The following SPATA31G1 variants were observed in gnomAD, a reference collection of about 807,000 sequenced individuals.
SPATA31G1 encodes SPATA31 subfamily G member 1, also known as spermatogenesis-associated protein 31G1.
chr9:35,042,886 C>G, the SPATA31G1 span: 8 of 1,613,930 alleles, frequency 5.0e-6, no homozygotes, highest in East Asian at 4.5e-5. Flanking sequence ...CACCGTGTGG[C>G]CTTCCTTGAT....
the SPATA31G1 span, chr9:35,044,279 G>A: frequency 6.2e-7 from 1 of 1,614,044 alleles, no homozygotes; most frequent in South Asian, 1.1e-5. Context: ...AGCATTCCAG[G>A]AATTCCTCGG....
the SPATA31G1 span, chr9:35,042,368 T>C: frequency 6.2e-7 from 1 of 1,614,192 alleles, no homozygotes; most frequent in Non-Finnish European, 8.5e-7. Context: ...GCTTCCAGAG[T>C]CCAGGAAATC....
the SPATA31G1 span, chr9:35,044,597 C>G: frequency 6.2e-7 from 1 of 1,614,172 alleles, no homozygotes; most frequent in Non-Finnish European, 8.5e-7. Flanking sequence ...CAAAGTCCCA[C>G]GTAAGTGAGC....
chr9:35,045,557 G>C, the SPATA31G1 span: 1 of 1,614,172 alleles, frequency 6.2e-7, no homozygotes, highest in Non-Finnish European at 8.5e-7. Context: ...ACCCTGCCCA[G>C]GCCAGAAGCC....
At chr9:35,045,762 T>A in the SPATA31G1 span, 2 of 1,614,178 alleles carry the variant, frequency 1.2e-6, no homozygotes, top group South Asian at 2.2e-5. Context: ...CATGGAGAAG[T>A]ATCTCTCCTT....
chr9:35,045,907 A>C, the SPATA31G1 span: 1 of 1,529,976 alleles, frequency 6.5e-7, no homozygotes. Context: ...GTATGCCAAG[A>C]CCTGAAGCCA....
chr9:35,045,847 T>C, the SPATA31G1 span: 11 of 1,609,446 alleles, frequency 6.8e-6, no homozygotes, highest in Admixed American at 3.3e-5. Context: ...CATCGACCCC[T>C]ACCCACCAAA....
At chr9:35,043,571 G>T in the SPATA31G1 span, 1 of 1,614,100 alleles carries the variant, frequency 6.2e-7, no homozygotes, top group South Asian at 1.1e-5. Context: ...CTAGCCCCCT[G>T]GAAGTTCTCC....
At chr9:35,045,457 A>G in the SPATA31G1 span, 2 of 1,614,126 alleles carry the variant, frequency 1.2e-6, no homozygotes, top group South Asian at 2.2e-5. Flanking sequence ...TCCTCAGCCA[A>G]AAAGAGAGAG....
chr9:35,044,422 G>A, the SPATA31G1 span: 36 of 1,614,068 alleles, frequency 2.2e-5, no homozygotes, highest in East Asian at 5.3e-4. Flanking sequence ...AAAAACTCCT[G>A]GGCCTCTAAG....
At chr9:35,045,106 C>G in the SPATA31G1 span, 6 of 1,614,070 alleles carry the variant, frequency 3.7e-6, no homozygotes, top group East Asian at 4.5e-5. Context: ...TGGGGACTCC[C>G]TTCCTGCCCA....
chr9:35,043,093 A>C, the SPATA31G1 span: 2 of 1,614,208 alleles, frequency 1.2e-6, no homozygotes, highest in Non-Finnish European at 1.7e-6. Flanking sequence ...ATACCAGAGC[A>C]AACAGTCATG....
the SPATA31G1 span, chr9:35,044,121 T>C: frequency 6.2e-7 from 1 of 1,614,112 alleles, no homozygotes; most frequent in Non-Finnish European, 8.5e-7. Context: ...CAAAGCTTTG[T>C]GGGAGACCAT....
At chr9:35,043,427 G>A in the SPATA31G1 span, 7 of 1,614,050 alleles carry the variant, frequency 4.3e-6, no homozygotes, top group Non-Finnish European at 5.9e-6. Context: ...TAGAAGGGAT[G>A]GCCCCCGATC....
At chr9:35,045,672 C>T in the SPATA31G1 span, 3 of 1,614,070 alleles carry the variant, frequency 1.9e-6, no homozygotes, top group South Asian at 2.2e-5. Context: ...AGCTTCGGGT[C>T]CCCAGGATCA....
chr9:35,044,707 C>T, the SPATA31G1 span: 7 of 1,614,204 alleles, frequency 4.3e-6, no homozygotes, highest in South Asian at 6.6e-5. Flanking sequence ...TCACTCTCTA[C>T]TCCTCTACCA....
At chr9:35,042,509 C>T in the SPATA31G1 span, 1 of 1,613,928 alleles carries the variant, frequency 6.2e-7, no homozygotes, top group Non-Finnish European at 8.5e-7. Context: ...GACTGTACAG[C>T]TGGATGAATG....
At chr9:35,043,802 C>G in the SPATA31G1 span, 1 of 1,614,126 alleles carries the variant, frequency 6.2e-7, no homozygotes, top group Non-Finnish European at 8.5e-7. Context: ...CTTGCCCTCC[C>G]CTAGACTCCC....
the SPATA31G1 span, chr9:35,045,755 G>C: frequency 3.1e-6 from 5 of 1,614,210 alleles, no homozygotes; most frequent in Non-Finnish European, 4.2e-6. Context: ...GGGCCCACAT[G>C]GAGAAGTATC....
Sources: gnomAD v4.1 joint callset for allele counts on GRCh38, gnomAD v4.1.1 for gene constraint, MANE v1.5 for transcripts, NCBI Gene and HGNC (gene_info 2026-07-23, HGNC 2026-07-21) for gene names.